SYTL2: variants seen among roughly 807,000 people sequenced by gnomAD.
The protein encoded by SYTL2 is synaptotagmin-like protein 2.
SYTL2 carries 165 observed loss-of-function variants against 198.7 expected under a neutral mutation model. The ratio of observed to expected loss-of-function variants is 0.83; its 90% CI spans 0.73 to 0.94. SYTL2 has a LOEUF of 0.94. Among genes scored for constraint, SYTL2 ranks in the 40% least tolerant of loss-of-function variants. The probability of loss-of-function intolerance (pLI) is 0.00; values close to 1 mark genes in which losing one functional copy is unlikely to be tolerated. For missense variants in SYTL2, 2,835 were observed against 2,582.8 expected (o/e 1.10, Z -2.12); for synonymous variants, 966 against 917.7 (o/e 1.05, Z -0.95).
chr11:85,748,983 A>T (rs2091344623), intron 2 of SYTL2, among the ~76,000 whole-genome samples: 1 of 152,108 alleles, frequency 6.6e-6, no homozygotes, highest in African/African-American at 2.4e-5. Context: ...GTGGAGGAGG[A>T]GTGATGTCTC....
At chr11:85,788,725 G>C (rs1226011570) in intron 1 of SYTL2, among the ~76,000 whole-genome samples, 1 of 151,560 alleles carries the variant, frequency 6.6e-6, no homozygotes, top group East Asian at 1.9e-4. Context: ...AAGGCCTCTA[G>C]GATGAGATTT....
chr11:85,830,347 G>GA, the SYTL2 span, among the ~76,000 whole-genome samples: 2,586 of 147,764 alleles, frequency 0.018, 58 homozygotes, highest in African/African-American at 0.061. Context: ...TTCATTCTGA[G>GA]AAAAAAATGG....
chr11:85,789,394 A>C (rs1386428393), intron 1 of SYTL2, among the ~76,000 whole-genome samples: 3 of 100,286 alleles, frequency 3.0e-5, no homozygotes, highest in African/African-American at 1.5e-4. Flanking sequence ...ATATATATAT[A>C]TATATAATTT....
intron 13 of SYTL2, among the ~76,000 whole-genome samples, chr11:85,710,235 C>G (rs1171278954): frequency 6.6e-6 from 1 of 152,138 alleles, no homozygotes; most frequent in Non-Finnish European, 1.5e-5. Flanking sequence ...ACCATGTTAC[C>G]CATCCACTGA....
At chr11:85,818,511 T>A in the SYTL2 span, among the ~76,000 whole-genome samples, 1 of 152,114 alleles carries the variant, frequency 6.6e-6, no homozygotes, top group Non-Finnish European at 1.5e-5. Context: ...TGGCCAAGAA[T>A]CTAGTTCTGG....
Position 85,734,507 on chromosome 11 carries a change from G to C in SYTL2, c.822C>G (p.Leu274=). ...TGCTACTGGAACTGGAGTTGCGCTT[G>C]AGGATCCCTCTCGGAGCCCCTCTCG... is the stretch of plus-strand genomic sequence containing the variant. ...LKARGAPRGI[L]KRNSSSSSTD... is the part of the protein sequence containing the mutation. Residue 274 remains leucine (L), a synonymous_variant, in exon 7 of 20, where the codon CTC becomes CTG. Transcript: ENST00000359152. The C allele has an allele frequency of 1.2e-6, 2 of 1,614,226 alleles. No individual in the cohort carries two copies. Among genetic ancestry groups the C allele is most frequent in the Middle Eastern group, 1.6e-4 (1 of 6,062 alleles).
In SYTL2 at chr11:85,734,510, G is replaced by T. The variant is rs746378187; in HGVS notation, c.819C>A (p.Ile273=). Residue 273 remains isoleucine (I), a synonymous_variant, in exon 7 of 20, where the codon ATC becomes ATA. Coordinates refer to ENST00000359152, the MANE Select transcript of SYTL2 (RefSeq NM_206927.4). ...SLKARGAPRG[I]LKRNSSSSST... ...TACTGGAACTGGAGTTGCGCTTGAG[G>T]ATCCCTCTCGGAGCCCCTCTCGCTT... 1 of 1,614,220 alleles carries T rather than the reference G, an allele frequency of 6.2e-7. No homozygotes were observed. The highest frequency in any genetic ancestry group is 8.5e-7 in the Non-Finnish European group (1 of 1,180,018).
At position 85,726,227 on chromosome 11, in the gene SYTL2, T is replaced by A. The variant is rs776216342; in HGVS notation, c.3131A>T (p.Lys1044Ile). The A allele has an allele frequency of 6.2e-7, 1 of 1,613,010 alleles. No individual in the cohort carries two copies. The highest frequency in any genetic ancestry group is 8.5e-7 in the Non-Finnish European group (1 of 1,179,760). ...CTCCATTTCCTCTCTTGCCATAACTTTTTTTGGGCTTAGAAGCACCTCTGC... is the reference window on the plus strand; with the variant it reads ...CTCCATTTCCTCTCTTGCCATAACTATTTTTGGGCTTAGAAGCACCTCTGC... ...HEAEVLLSPK[K>I]VMAREEMEKL... Residue 1044 changes from lysine to isoleucine, a missense_variant, in exon 8 of 20, where the codon AAA becomes ATA. This residue lies in a region of SYTL2 where 2,645 missense variants were observed against 2,381.7 expected (regional missense o/e 1.11). Coordinates refer to ENST00000359152, the MANE Select transcript of SYTL2 (RefSeq NM_206927.4).
chr11:85,725,353 C>G lies in SYTL2; in HGVS notation c.4005G>C (p.Gln1335His). The G allele has an allele frequency of 6.2e-7, 1 of 1,613,808 alleles. No homozygotes were observed. The highest frequency in any genetic ancestry group is 8.5e-7 in the Non-Finnish European group (1 of 1,179,876). ...TAGCCTGGGGAACAAGATGAGCATC[C>G]TGGGGAAAAAGCATATCTTGGGGAG... ...ASPPQDMLFP[Q>H]DAHLVPQARV... is the part of the protein sequence containing the mutation. Residue 1335 changes from glutamine (Q) to histidine (H), a missense_variant, in exon 8 of 20, where the codon CAG (glutamine) becomes CAC (histidine). Physicochemically the swap from Gln to His is conservative, Grantham distance 24. Coordinates refer to ENST00000359152, the MANE Select transcript of SYTL2 (RefSeq NM_206927.4).
At chr11:85,804,377 A>G (rs1317877397) in intron 1 of SYTL2, among the ~76,000 whole-genome samples, 2 of 152,210 alleles carry the variant, frequency 1.3e-5, no homozygotes, top group African/African-American at 4.8e-5. Context: ...GCGTACAATT[A>G]TATCAGATTA....
intron 11 of SYTL2, chr11:85,715,054 A>G (rs1167849238): frequency 6.6e-6 from 1 of 152,212 alleles, no homozygotes; most frequent in Admixed American, 6.5e-5. Context: ...TAAAATAAAC[A>G]TTATTTTTTG....
At position 85,726,180 on chromosome 11, in the gene SYTL2, G is replaced by A. The variant is rs756186406; in HGVS notation, c.3178C>T (p.Leu1060Phe). Residue 1060 changes from leucine to phenylalanine, a missense_variant, in exon 8 of 20, where the codon CTC becomes TTC. Coordinates refer to ENST00000359152, the MANE Select transcript of SYTL2 (RefSeq NM_206927.4). ...GTGATTTCATCTGGTAGCACCTGGA[G>A]TATGCCCTTTGAATTTAATTTCTCC... ...EMEKLNSKGI[L>F]QVLPDEITFP... 8.1e-6 allele frequency: 13 copies of A among 1,613,914 alleles called. No homozygotes were observed. Among genetic ancestry groups the A allele is most frequent in the Non-Finnish European group, 1.0e-5 (12 of 1,179,880 alleles).
chr11:85,698,506 G>A (rs2083748154), intron 17 of SYTL2, among the ~76,000 whole-genome samples: 1 of 152,038 alleles, frequency 6.6e-6, no homozygotes, highest in Non-Finnish European at 1.5e-5. Context: ...ACCAAAACAG[G>A]TATTGGCTAA....
chr11:85,814,688 C>T (rs2093059484), upstream of SYTL2, among the ~76,000 whole-genome samples: 1 of 152,194 alleles, frequency 6.6e-6, no homozygotes, highest in South Asian at 2.1e-4. Flanking sequence ...CACCCAACAC[C>T]ACCTGTGACT....
chr11:85,748,029 TACTATAATTCA>T (rs2091276650), intron 3 of SYTL2, among the ~76,000 whole-genome samples: 1 of 152,186 alleles, frequency 6.6e-6, no homozygotes, highest in South Asian at 2.1e-4. Flanking sequence ...CTATCTATGC[TACTATAATTCA>T]ACAGGGCACC....
At chr11:85,732,245 T>C (rs572796122) in intron 7 of SYTL2, among the ~76,000 whole-genome samples, 5 of 152,340 alleles carry the variant, frequency 3.3e-5, no homozygotes, top group African/African-American at 1.2e-4. Context: ...TTACTGGGTA[T>C]ATATCTAAAG....
intron 1 of SYTL2, among the ~76,000 whole-genome samples, chr11:85,794,199 G>A (rs1279972476): frequency 4.0e-5 from 6 of 150,950 alleles, no homozygotes; most frequent in Non-Finnish European, 8.8e-5. Context: ...TTTTTTTAGA[G>A]ACAGGGCCTC....
intron 1 of SYTL2, among the ~76,000 whole-genome samples, chr11:85,770,602 A>C (rs1455263944): frequency 6.6e-6 from 1 of 152,104 alleles, no homozygotes; most frequent in Non-Finnish European, 1.5e-5. Context: ...CTACCCCTTG[A>C]ACTACAGCCC....
Position 85,711,144 on chromosome 11 carries a change from C to T in SYTL2, c.5714G>A (p.Ser1905Asn), listed in dbSNP as rs146639963. ...KKSPSSLTNL[S>N]SSSGMTSLSS... ...CAAGGACGTCATGCCAGAGGAGCTGCTAAGATTGGTTAAAGAGCTCGGGCT... is the reference window on the plus strand; with the variant it reads ...CAAGGACGTCATGCCAGAGGAGCTGTTAAGATTGGTTAAAGAGCTCGGGCT... Residue 1905 changes from serine to asparagine, a missense_variant, in exon 13 of 20, where the codon AGC becomes AAC. This residue lies in a region of SYTL2 where 2,645 missense variants were observed against 2,381.7 expected (regional missense o/e 1.11). Coordinates refer to ENST00000359152, the MANE Select transcript of SYTL2 (RefSeq NM_206927.4). 3.1e-6 allele frequency: 5 copies of T among 1,614,092 alleles called. No individual in the cohort carries two copies. Among genetic ancestry groups the T allele is most frequent in the Middle Eastern group, 1.7e-4 (1 of 6,056 alleles).
Sources: gnomAD v4.1 joint callset for allele counts (sites outside exome capture counted in the v4.1 genomes callset) on GRCh38, gnomAD v4.1.1 for gene constraint, gnomAD v4.1.1 regional missense constraint, MANE v1.5 for transcripts, NCBI Gene and HGNC (gene_info 2026-07-23, HGNC 2026-07-21) for gene names.